The following IGSF8 variants were observed in gnomAD, a reference collection of about 807,000 sequenced individuals.
The protein encoded by IGSF8 is immunoglobulin superfamily member 8, also known as CD81 partner 3.
Under a neutral mutation model 55.5 loss-of-function variants are expected in IGSF8, and 46 were observed. That is an observed-to-expected ratio of 0.83 (90% CI 0.65 to 1.06). IGSF8 has a LOEUF of 1.06. Ranked by LOEUF, IGSF8 falls within the 50% of genes least tolerant of loss-of-function variation. IGSF8 has a pLI of 0.00. For synonymous variants in IGSF8, 314 were observed against 356.1 expected (o/e 0.88, Z 1.33); for missense variants, 731 against 832.3 (o/e 0.88, Z 1.50).
Position 160,098,384 on chromosome 1 carries a change from G to T in IGSF8, c.64+25C>A, listed in dbSNP as rs1373881709. ...GCAGGCACCTGCCCGGCAGGGCCGG[G>T]AACCGGAACGGGGGCCTGGCTTACC... On this transcript the variant is annotated intron_variant, in intron 1 of 6. Coordinates refer to ENST00000314485, the MANE Select transcript of IGSF8 (RefSeq NM_052868.6). The T allele has an allele frequency of 8.4e-6, 13 of 1,552,340 alleles. No individual in the cohort carries two copies. In the South Asian group the frequency reaches 1.4e-4, roughly 17 times the overall value.
At position 160,092,510 on chromosome 1, in the gene IGSF8, C is replaced by G; in HGVS notation, c.1498G>C (p.Val500Leu). The change falls in exon 5 of 7, where the codon GTA becomes CTA. Residue 500 changes from valine to leucine, a missense_variant. Val to Leu is a conservative substitution (Grantham distance 32, BLOSUM62 1). Coordinates refer to ENST00000314485, the MANE Select transcript of IGSF8 (RefSeq NM_052868.6). ...SSVPAQLVGGVGQDGVAELGV... is the reference protein window; with the variant it reads ...SSVPAQLVGGLGQDGVAELGV... ...AGCTCTGCCACACCATCCTGGCCTA[C>G]GCCACCCACCAGCTGGGCAGGGACA... The G allele has an allele frequency of 2.5e-6, 4 of 1,613,350 alleles. No homozygotes were observed. Among genetic ancestry groups the G allele is most frequent in the Non-Finnish European group, 3.4e-6 (4 of 1,179,806 alleles).
At chr1:160,097,106 C>T (rs191993376) in intron 1 of IGSF8, among the ~76,000 whole-genome samples, 3 of 152,374 alleles carry the variant, frequency 2.0e-5, no homozygotes, top group African/African-American at 7.2e-5. Flanking sequence ...AGCCCCAACA[C>T]TCACTAAATG....
chr1:160,093,916 G>A lies in IGSF8; in HGVS notation c.698C>T (p.Pro233Leu), dbSNP rs1209785540. 1.2e-6 allele frequency: 2 copies of A among 1,614,222 alleles called. No homozygotes were observed. Among genetic ancestry groups the A allele is most frequent in the Non-Finnish European group, 1.7e-6 (2 of 1,180,042 alleles). Residue 233 changes from proline to leucine, a missense_variant, in exon 3 of 7, where the codon CCC becomes CTC. Transcript: ENST00000314485. The part of the protein sequence containing the change: ...RSDLAVEAGA[P>L]YAERLAAGEL... ...CCCTGCAGCCAATCGCTCAGCATAG[G>A]GAGCTCCAGCCTCCACGGCCAAGTC...
rs779147573 is a variant in IGSF8, at chr1:160,092,600, G to T, written c.1408C>A (p.Pro470Thr). The change falls in exon 5 of 7, where the codon CCC becomes ACC. Residue 470 changes from proline to threonine, a missense_variant. Pro to Thr is a conservative substitution (Grantham distance 38). Transcript: ENST00000314485. ...CTGGCGGCCAGCCGCAGTCCTGGGG[G>T]GCCACCCCGCACAGAGATGTTGCAC... ...LLCNISVRGG[P>T]PGLRLAASWW... is the part of the protein sequence containing the mutation. 1 of 1,607,536 alleles carries T rather than the reference G, an allele frequency of 6.2e-7. No individual in the cohort carries two copies. The highest frequency in any genetic ancestry group is 8.5e-7 in the Non-Finnish European group (1 of 1,179,866).
At chr1:160,095,267 AG>A in intron 1 of IGSF8, 21 bp from the exon 2 acceptor site, 1 of 1,585,708 alleles carries the variant, frequency 6.3e-7, no homozygotes, top group Non-Finnish European at 8.5e-7. Flanking sequence ...AGGCAGAAGG[AG>A]TTGGAGATGC....
Position 160,093,338 on chromosome 1 carries a change from C to T in IGSF8, c.905-7G>A. The T allele has an allele frequency of 1.3e-6, 2 of 1,576,398 alleles. No homozygotes were observed. The highest frequency in any genetic ancestry group is 8.7e-7 in the Non-Finnish European group (1 of 1,153,768). On this transcript the variant is annotated splice_polypyrimidine_tract_variant and splice_region_variant and intron_variant, in intron 3 of 6. Transcript: ENST00000314485. Reference sequence around the variant, plus strand: ...GTCACTGCCAGCTGGCTGGCTGAAACACAGGTAGGGGAAGAGGTGTCATGG... The same window carrying T: ...GTCACTGCCAGCTGGCTGGCTGAAATACAGGTAGGGGAAGAGGTGTCATGG...
Position 160,093,791 on chromosome 1 carries a change from ACT to A in IGSF8, c.821_822del (p.Glu274ValfsTer6), listed in dbSNP as rs1650200547. 1 of 1,613,854 alleles carries A rather than the reference ACT, an allele frequency of 6.2e-7. No individual in the cohort carries two copies. Among genetic ancestry groups the A allele is most frequent in the Non-Finnish European group, 8.5e-7 (1 of 1,179,954 alleles). ...CAGCTGCCATCAGGATCCTGAATCC[ACT>A]CAGCGGCAGTGCAGTGGTAGGTGCC... ...DAGTYHCTAA[E>X]WIQDPDGSWA... On this transcript the variant is annotated frameshift_variant, in exon 3 of 7. Transcript: ENST00000314485. LOFTEE classifies it high-confidence loss of function.
chr1:160,092,751 G>A, intron 4 of IGSF8, 56 bp from the exon 5 acceptor site: 1 of 1,567,414 alleles, frequency 6.4e-7, no homozygotes, highest in Non-Finnish European at 8.7e-7. Context: ...CATGGGGTTA[G>A]GGCTGCCGCC....
Position 160,094,126 on chromosome 1 carries a change from C to G in IGSF8, c.488G>C (p.Arg163Pro), listed in dbSNP as rs140991368. 4 of 1,607,354 alleles carry G rather than the reference C, an allele frequency of 2.5e-6. No homozygotes were observed. The highest frequency in any genetic ancestry group is 2.5e-6 in the Non-Finnish European group (3 of 1,179,758). Residue 163 changes from arginine to proline, a missense_variant, in exon 3 of 7, where the codon CGA (arginine) becomes CCA (proline). Coordinates refer to ENST00000314485, the MANE Select transcript of IGSF8 (RefSeq NM_052868.6). This position sits in a 1 kb window ranked among gnomAD's most constrained non-coding sequence, Gnocchi z 4.0. ...LQVSAAPPGP[R>P]GRQAPTSPPR... is the part of the protein sequence containing the mutation. ...GGGTGAGGTTGGGGCCTGGCGGCCT[C>G]GGGGCCCTGGGGGGGCAGCAGACAC...
intron 1 of IGSF8, among the ~76,000 whole-genome samples, chr1:160,096,964 TG>T (rs1336247188): frequency 6.6e-6 from 1 of 152,064 alleles, no homozygotes; most frequent in Non-Finnish European, 1.5e-5. Flanking sequence ...GAGATGCCCA[TG>T]GGAAAGTCAC....
Position 160,094,313 on chromosome 1 carries a change from A to G in IGSF8, c.443-142T>C. On this transcript the variant is annotated intron_variant, in intron 2 of 6. Transcript: ENST00000314485. This position sits in a 1 kb window ranked among gnomAD's most constrained non-coding sequence, Gnocchi z 4.0. ...TGTTGTATTATTTCTTCTGTAACTC[A>G]GTGGTGCCAAGGGCAGTACTGGGCA... 1 of 633,402 alleles carries G rather than the reference A, an allele frequency of 1.6e-6. No homozygotes were observed. 39.2% of individuals were successfully genotyped at this position (633,402 alleles called of 1,614,324 possible).
chr1:160,093,365 G>C, intron 3 of IGSF8, 34 bp from the exon 4 acceptor site: 1 of 1,541,798 alleles, frequency 6.5e-7, no homozygotes, highest in Admixed American at 1.9e-5. Flanking sequence ...GTGTCATGGA[G>C]GCAGGAGGGG....
In IGSF8 at chr1:160,095,163, T is replaced by A. The variant is rs1258464845; in HGVS notation, c.148A>T (p.Asn50Tyr). ...GCAGGGCCCTCATAGCCGGTCACATTGCAGGAGATGGAGACAGCTGTGCCA... is the reference window on the plus strand; with the variant it reads ...GCAGGGCCCTCATAGCCGGTCACATAGCAGGAGATGGAGACAGCTGTGCCA... ...VAGTAVSISC[N>Y]VTGYEGPAQQ... Residue 50 changes from asparagine to tyrosine, a missense_variant, in exon 2 of 7, where the codon AAT becomes TAT. Physicochemically the swap from Asn to Tyr is moderately radical, Grantham distance 143. Coordinates refer to ENST00000314485, the MANE Select transcript of IGSF8 (RefSeq NM_052868.6). 1.2e-6 allele frequency: 2 copies of A among 1,612,950 alleles called. No individual in the cohort carries two copies. The highest frequency in any genetic ancestry group is 2.7e-5 in the African/African-American group (2 of 74,930).
Position 160,092,306 on chromosome 1 carries a change from C to T in IGSF8, c.1702G>A (p.Val568Ile). 6.2e-7 allele frequency: 1 copy of T among 1,614,130 alleles called. No homozygotes were observed. The highest frequency in any genetic ancestry group is 8.5e-7 in the Non-Finnish European group (1 of 1,179,968). ...YQAGSARSGP[V>I]TVYPYMHALD... ...CCATGCATGTAGGGGTAGACTGTAACAGGCCCTGAGCGGGCACTGCCCGCC... is the reference window on the plus strand; with the variant it reads ...CCATGCATGTAGGGGTAGACTGTAATAGGCCCTGAGCGGGCACTGCCCGCC... The change falls in exon 5 of 7, where the codon GTT (valine) becomes ATT (isoleucine). Residue 568 changes from valine to isoleucine, a missense_variant. Transcript: ENST00000314485.
In IGSF8 at chr1:160,093,040, C is replaced by G. The variant is rs1183451159; in HGVS notation, c.1196G>C (p.Gly399Ala). The G allele has an allele frequency of 1.2e-6, 2 of 1,614,036 alleles. No homozygotes were observed. The highest frequency in any genetic ancestry group is 2.2e-5 in the South Asian group (2 of 91,096). The change falls in exon 4 of 7, where the codon GGT becomes GCT. Residue 399 changes from glycine to alanine, a missense_variant. Physicochemically the swap from Gly to Ala is moderately conservative, Grantham distance 60. Transcript: ENST00000314485. ...GAGGCAGCGGTAGGTGCCCGCATCA[C>G]CAGGCCTGGCAGCCTCTAGCCGTAG... ...YRLRLEAARPGDAGTYRCLAK... is the reference protein window; with the variant it reads ...YRLRLEAARPADAGTYRCLAK...
chr1:160,095,107 C>A lies in IGSF8; in HGVS notation c.204G>T (p.Arg68Ser). 1.2e-6 allele frequency: 2 copies of A among 1,614,114 alleles called. No homozygotes were observed. The highest frequency in any genetic ancestry group is 1.3e-5 in the African/African-American group (1 of 75,040). Residue 68 changes from arginine to serine, a missense_variant, in exon 2 of 7, where the codon AGG becomes AGT. Arg to Ser is a moderately radical substitution (Grantham distance 110). Transcript: ENST00000314485. ...AQQNFEWFLY[R>S]PEAPDTALGI... Reference sequence around the variant, plus strand: ...CCAGTGCAGTATCTGGGGCCTCGGGCCTATACAGGAACCACTCGAAGTTCT... The same window carrying A: ...CCAGTGCAGTATCTGGGGCCTCGGGACTATACAGGAACCACTCGAAGTTCT...
chr1:160,094,998 G>A lies in IGSF8; in HGVS notation c.313C>T (p.Leu105=), dbSNP rs1650320683. The A allele has an allele frequency of 6.2e-7, 1 of 1,614,122 alleles. No individual in the cohort carries two copies. The highest frequency in any genetic ancestry group is 1.1e-5 in the South Asian group (1 of 91,076). ...TTGAGCACCACGGCATCACCTTGTA[G>A]GCGCTGCACCTGCACCTCACCCGCC... ...VVAGEVQVQR[L]QGDAVVLKIA... is the part of the protein sequence containing the mutation. Residue 105 remains leucine (L), a synonymous_variant, in exon 2 of 7, where the codon CTA becomes TTA. Transcript: ENST00000314485. The surrounding 1 kb of genome is among the most constrained non-coding windows in gnomAD (Gnocchi z 4.0).
At chr1:160,091,709 A>T in intron 6 of IGSF8, 99 bp downstream of exon 6, 1 of 772,504 alleles carries the variant, frequency 1.3e-6, no homozygotes, top group Non-Finnish European at 2.3e-6. Flanking sequence ...TGAGCTGCCT[A>T]CTCCTCCTCC....
intron 1 of IGSF8, among the ~76,000 whole-genome samples, chr1:160,098,124 G>C (rs1026492245): frequency 1.3e-5 from 2 of 152,264 alleles, no homozygotes; most frequent in African/African-American, 4.8e-5. Flanking sequence ...ACGTGGGTAT[G>C]CTAGCTGAGA....
Sources: allele counts gnomAD v4.1 joint callset (sites outside exome capture counted in the v4.1 genomes callset), GRCh38; gene constraint gnomAD v4.1.1; non-coding constraint Gnocchi (gnomAD v3.1); transcripts MANE v1.5; gene names NCBI Gene and HGNC (gene_info 2026-07-23, HGNC 2026-07-21).